The following ANK3 variants were observed in gnomAD, a reference collection of about 807,000 sequenced individuals.
ANK3 encodes the protein ankyrin 3.
In ANK3, 57 loss-of-function variants were observed where a neutral mutation model predicts 370.9. The observed-to-expected ratio is 0.15, with a 90% CI of 0.12 to 0.19. ANK3 has a LOEUF of 0.19. Ranked by LOEUF, ANK3 falls within the 10% of genes least tolerant of loss-of-function variation. The probability of loss-of-function intolerance (pLI) is 1.00; values close to 1 mark genes in which losing one functional copy is unlikely to be tolerated. For synonymous variants in ANK3, 1,929 were observed against 1,946.3 expected (o/e 0.99, Z 0.23); for missense variants, 4,439 against 5,302.1 (o/e 0.84, Z 5.06).
At chr10:60,726,633 T>C (rs1219476469) in intron 1 of ANK3, among the ~76,000 whole-genome samples, 2 of 152,112 alleles carry the variant, frequency 1.3e-5, no homozygotes, top group Non-Finnish European at 2.9e-5. Flanking sequence ...TCTAAAACCA[T>C]GGTTTTGTTT....
chr10:60,418,807 C>A (rs751416269), intron 2 of ANK3, among the ~76,000 whole-genome samples: 2 of 151,626 alleles, frequency 1.3e-5, no homozygotes, highest in East Asian at 3.9e-4. Context: ...TTTAAGAGAG[C>A]CTAAAAATTA....
intron 14 of ANK3, 113 bp from the exon 15 acceptor site, chr10:60,196,738 C>T: frequency 1.1e-5 from 7 of 639,950 alleles, no homozygotes; most frequent in South Asian, 7.8e-5. Flanking sequence ...AAGGGCACTG[C>T]TTTCCAGAAC....
At chr10:60,543,551 C>T (rs1394448720) in intron 2 of ANK3, among the ~76,000 whole-genome samples, 5 of 152,074 alleles carry the variant, frequency 3.3e-5, no homozygotes, top group East Asian at 1.9e-4. Flanking sequence ...CACACATACA[C>T]GCATTTTTGT....
At position 60,469,042 on chromosome 10, in the gene ANK3, T is replaced by TATAC. The variant is rs1555377104; in HGVS notation, c.96+146143_96+146144insGTAT. On this transcript the variant is annotated intron_variant, in intron 2 of 43. Transcript: ENST00000373827. The stretch of plus-strand genomic sequence containing the variant: ...ATACCACTTTTAGTGTATATATATA[T>TATAC]ATATATATATATACCACTTTTAGTA... Among the ~76,000 whole-genome samples the TATAC allele has an allele frequency of 1.7e-4, 17 of 98,202 alleles. 2 individuals carry two copies. The highest frequency in any genetic ancestry group is 6.2e-4 in the African/African-American group (16 of 26,006). 64.4% of individuals were successfully genotyped at this position (98,202 alleles called of 152,430 possible).
At chr10:60,727,610 C>T (rs1443755436) in intron 1 of ANK3, among the ~76,000 whole-genome samples, 2 of 152,160 alleles carry the variant, frequency 1.3e-5, no homozygotes, top group African/African-American at 4.8e-5. Flanking sequence ...AACACATACA[C>T]AAGCAAAACA....
At chr10:60,272,065 G>A (rs1406053775) in intron 4 of ANK3, among the ~76,000 whole-genome samples, 1 of 149,230 alleles carries the variant, frequency 6.7e-6, no homozygotes, top group Non-Finnish European at 1.5e-5. Context: ...CATGAAGCAT[G>A]GAGTACTTGG....
intron 2 of ANK3, among the ~76,000 whole-genome samples, chr10:60,583,999 G>A (rs1259647470): frequency 5.9e-5 from 9 of 152,030 alleles, no homozygotes; most frequent in Non-Finnish European, 1.2e-4. Context: ...CCATCACATT[G>A]TACCCCCAAA....
rs2094905830 is a variant in ANK3 at position 60,147,768 on chromosome 10, T to C, written c.2615-8681A>G. Among the ~76,000 whole-genome samples the C allele has an allele frequency of 1.3e-5, 2 of 152,138 alleles. 1 individual carries two copies. The highest frequency in any genetic ancestry group is 4.1e-4 in the South Asian group (2 of 4,828). On this transcript the variant is annotated intron_variant, in intron 23 of 43. Transcript: ENST00000280772. ...GCTCCCCCTTTGCCTTCCCCTATGA[T>C]TGTAAGTTTCCTGGGGCCTCCTCAG...
At chr10:60,708,693 C>G (rs1256070874) in intron 1 of ANK3, among the ~76,000 whole-genome samples, 7 of 152,152 alleles carry the variant, frequency 4.6e-5, no homozygotes, top group Non-Finnish European at 1.0e-4. Context: ...ATACCCAATT[C>G]CAGTACCCCC....
chr10:60,142,491 A>G (rs559814503), intron 23 of ANK3, among the ~76,000 whole-genome samples: 1 of 152,108 alleles, frequency 6.6e-6, no homozygotes, highest in Non-Finnish European at 1.5e-5. Context: ...CTTGGAATCC[A>G]TGACTGATAA....
intron 2 of ANK3, among the ~76,000 whole-genome samples, chr10:60,482,842 A>G: frequency 6.6e-6 from 1 of 152,204 alleles, no homozygotes; most frequent in East Asian, 1.9e-4. Flanking sequence ...AAGCAAAAAG[A>G]CTTAAGATTT....
At chr10:60,541,964 A>G (rs1255279321) in intron 2 of ANK3, among the ~76,000 whole-genome samples, 1 of 151,912 alleles carries the variant, frequency 6.6e-6, no homozygotes, top group Non-Finnish European at 1.5e-5. Context: ...ACTAAAAACT[A>G]AAATCTGCTT....
intron 2 of ANK3, among the ~76,000 whole-genome samples, chr10:60,488,030 A>C (rs1446587104): frequency 1.3e-5 from 2 of 152,164 alleles, no homozygotes; most frequent in African/African-American, 4.8e-5. Context: ...TTCCTCCTAG[A>C]AGTTGAGAAC....
intron 1 of ANK3, among the ~76,000 whole-genome samples, chr10:60,284,598 G>T (rs1230431861): frequency 6.6e-6 from 1 of 152,038 alleles, no homozygotes. Context: ...TTTTCCATCA[G>T]TTCATCCATT....
chr10:60,075,344 G>A lies in ANK3; in HGVS notation c.5537C>T (p.Thr1846Ile). 6.2e-7 allele frequency: 1 copy of A among 1,614,154 alleles called. No individual in the cohort carries two copies. ...LKKLPDSNSF[T>I]KSAAALLSPI... ...TGACAGCAAGGCTGCTGCTGATTTT[G>A]TAAATGAATTAGAGTCTGGAAGTTT... Residue 1846 changes from threonine to isoleucine, a missense_variant, in exon 37 of 44, where the codon ACA becomes ATA. Physicochemically the swap from Thr to Ile is moderately conservative, Grantham distance 89. This residue lies in a region of ANK3 where 679 missense variants were observed against 791.0 expected (regional missense o/e 0.86). Coordinates refer to ENST00000280772, the MANE Select transcript of ANK3 (RefSeq NM_020987.5).
chr10:60,379,199 AAT>A (rs1304690864), intron 1 of ANK3, among the ~76,000 whole-genome samples: 3 of 152,236 alleles, frequency 2.0e-5, no homozygotes, highest in Admixed American at 1.3e-4. Context: ...AAGACAAAAA[AAT>A]AAAAATAAAA....
intron 2 of ANK3, among the ~76,000 whole-genome samples, chr10:60,398,491 T>C (rs941292884): frequency 6.6e-6 from 1 of 152,198 alleles, no homozygotes; most frequent in Non-Finnish European, 1.5e-5. Flanking sequence ...TATGCATACA[T>C]GTATGTATAC....
At chr10:60,384,241 T>C (rs2061949138) in intron 1 of ANK3, among the ~76,000 whole-genome samples, 1 of 152,182 alleles carries the variant, frequency 6.6e-6, no homozygotes, top group Non-Finnish European at 1.5e-5. Flanking sequence ...ACACAATGTG[T>C]CTGAGGATTT....
intron 2 of ANK3, among the ~76,000 whole-genome samples, chr10:60,424,965 A>G (rs1397486541): frequency 6.6e-6 from 1 of 152,094 alleles, no homozygotes; most frequent in African/African-American, 2.4e-5. Flanking sequence ...GGTCAACTAG[A>G]GATGGGAAAT....
Sources: gnomAD v4.1 joint callset for allele counts (sites outside exome capture counted in the v4.1 genomes callset) on GRCh38, gnomAD v4.1.1 for gene constraint, gnomAD v4.1.1 regional missense constraint, MANE v1.5 for transcripts, NCBI Gene and HGNC (gene_info 2026-07-23, HGNC 2026-07-21) for gene names.